Variants in LRRTM4 observed in about 807,000 individuals in gnomAD.
LRRTM4 encodes leucine rich repeat transmembrane neuronal 4.
A neutral mutation model predicts 47.6 loss-of-function variants in LRRTM4; 25 were observed. The ratio of observed to expected loss-of-function variants is 0.53; its 90% CI spans 0.38 to 0.73. The LOEUF is 0.73. Among genes scored for constraint, LRRTM4 ranks in the 30% least tolerant of loss-of-function variants. LRRTM4 has a pLI of 0.00. For missense variants in LRRTM4, 638 were observed against 713.4 expected (o/e 0.89, Z 1.20); for synonymous variants, 311 against 269.5 (o/e 1.15, Z -1.51).
At chr2:77,269,561 C>T (rs1397898729) in intron 3 of LRRTM4, among the ~76,000 whole-genome samples, 2 of 152,054 alleles carry the variant, frequency 1.3e-5, no homozygotes, top group Non-Finnish European at 2.9e-5. Flanking sequence ...AAGCAAGTGC[C>T]ATTTAACAAA....
intron 3 of LRRTM4, among the ~76,000 whole-genome samples, chr2:76,946,427 A>G (rs1377562070): frequency 6.6e-6 from 1 of 151,842 alleles, no homozygotes; most frequent in Non-Finnish European, 1.5e-5. Context: ...TAATAAATAT[A>G]AACATTATTC....
At chr2:77,150,017 G>A (rs1396691300) in intron 3 of LRRTM4, among the ~76,000 whole-genome samples, 1 of 151,998 alleles carries the variant, frequency 6.6e-6, no homozygotes, top group Non-Finnish European at 1.5e-5. Flanking sequence ...TCATTAATTT[G>A]TACATGACTA....
At chr2:76,795,052 T>C (rs572244061) in intron 3 of LRRTM4, among the ~76,000 whole-genome samples, 3 of 151,840 alleles carry the variant, frequency 2.0e-5, no homozygotes, top group Non-Finnish European at 3.0e-5. Context: ...GTATGGCAGA[T>C]AGTAAGCTAA....
chr2:77,059,722 T>C (rs922246343), intron 3 of LRRTM4, among the ~76,000 whole-genome samples: 8 of 152,232 alleles, frequency 5.3e-5, no homozygotes, highest in Non-Finnish European at 1.2e-4. Flanking sequence ...AATAAATGTT[T>C]GCCCAATGAT....
intron 3 of LRRTM4, among the ~76,000 whole-genome samples, chr2:77,042,425 TAA>T (rs1335854140): frequency 2.0e-5 from 3 of 151,590 alleles, no homozygotes; most frequent in Non-Finnish European, 4.4e-5. Flanking sequence ...AGTTATTTTT[TAA>T]AAAGTTATTG....
At chr2:77,007,391 A>G (rs77250513) in intron 3 of LRRTM4, among the ~76,000 whole-genome samples, 3,286 of 152,286 alleles carry the variant, frequency 0.022, 120 homozygotes, top group East Asian at 0.14. Context: ...CAATATGAAG[A>G]TAGAGTCATG....
chr2:77,501,676 C>T (rs1460135026), intron 3 of LRRTM4, among the ~76,000 whole-genome samples: 1 of 150,730 alleles, frequency 6.6e-6, no homozygotes, highest in Non-Finnish European at 1.5e-5. Flanking sequence ...ACAATCAAAT[C>T]CTACCTAAAA....
At chr2:77,006,084 A>G (rs774341324) in intron 3 of LRRTM4, among the ~76,000 whole-genome samples, 28 of 152,156 alleles carry the variant, frequency 1.8e-4, no homozygotes, top group Admixed American at 7.9e-4. Flanking sequence ...AAACCCCAAA[A>G]TGATATATAT....
At chr2:77,039,339 T>A (rs1022811357) in intron 3 of LRRTM4, among the ~76,000 whole-genome samples, 30 of 137,402 alleles carry the variant, frequency 2.2e-4, no homozygotes, top group African/African-American at 7.8e-4. Flanking sequence ...TTTTTTTTTT[T>A]AAATGAAGGC....
intron 3 of LRRTM4, among the ~76,000 whole-genome samples, chr2:77,177,429 C>A (rs1673229728): frequency 6.6e-6 from 1 of 152,130 alleles, no homozygotes. Context: ...AGGAGGGAAT[C>A]CATGGATATG....
chr2:77,138,496 C>A (rs949103341), intron 3 of LRRTM4, among the ~76,000 whole-genome samples: 1 of 152,088 alleles, frequency 6.6e-6, no homozygotes, highest in Non-Finnish European at 1.5e-5. Context: ...ATTTATAGCA[C>A]CAAATGCCCA....
chr2:77,414,809 C>G (rs1674577294), intron 3 of LRRTM4, among the ~76,000 whole-genome samples: 1 of 150,728 alleles, frequency 6.6e-6, no homozygotes, highest in Admixed American at 6.6e-5. Flanking sequence ...ACCATCTTCC[C>G]TCGCACACAA....
chr2:77,310,081 A>T (rs1446468941), intron 3 of LRRTM4, among the ~76,000 whole-genome samples: 1 of 152,316 alleles, frequency 6.6e-6, no homozygotes, highest in East Asian at 1.9e-4. Context: ...TAAGAAATGT[A>T]TACTTGACAC....
At position 77,081,831 on chromosome 2, in the gene LRRTM4, C is replaced by G. The variant is rs141525696; in HGVS notation, c.1552-332915G>C. Among the ~76,000 whole-genome samples the G allele has an allele frequency of 4.8e-3, 726 of 152,236 alleles. 3 individuals are homozygous for G. The highest frequency in any genetic ancestry group is 8.3e-3 in the Non-Finnish European group (565 of 67,994). Reference sequence around the variant, plus strand: ...CAACTAAATATCCTTTTAGACCAATCAGATCATTCCTGGAAGCAATACTCC... The same window carrying G: ...CAACTAAATATCCTTTTAGACCAATGAGATCATTCCTGGAAGCAATACTCC... On this transcript the variant is annotated intron_variant, in intron 3 of 3. Coordinates refer to ENST00000409884, the MANE Select transcript of LRRTM4 (RefSeq NM_001134745.3).
intron 3 of LRRTM4, among the ~76,000 whole-genome samples, chr2:76,776,500 G>A (rs1443760600): frequency 2.0e-5 from 3 of 152,086 alleles, no homozygotes; most frequent in Admixed American, 2.0e-4. Context: ...GCATTTCTCT[G>A]ATGGCCAGTG....
chr2:77,079,991 GAGTT>G (rs2103852731), intron 3 of LRRTM4, among the ~76,000 whole-genome samples: 1 of 151,960 alleles, frequency 6.6e-6, no homozygotes, highest in East Asian at 1.9e-4. Flanking sequence ...ATTCTCCAAA[GAGTT>G]ATTTATATTC....
intron 3 of LRRTM4, among the ~76,000 whole-genome samples, chr2:76,917,327 A>G (rs527828988): frequency 6.6e-6 from 1 of 152,130 alleles, no homozygotes; most frequent in Non-Finnish European, 1.5e-5. Context: ...ATCCTTTAAT[A>G]TTTTTTTAAA....
chr2:77,444,424 C>G (rs144155390), intron 3 of LRRTM4, among the ~76,000 whole-genome samples: 119 of 152,130 alleles, frequency 7.8e-4, no homozygotes, highest in African/African-American at 2.8e-3. Context: ...GGAGATATTT[C>G]CTTCATGTTA....
chr2:76,834,053 T>TATTTATTTA (rs1173088091), intron 3 of LRRTM4, among the ~76,000 whole-genome samples: 25 of 150,032 alleles, frequency 1.7e-4, no homozygotes, highest in African/African-American at 5.7e-4. Flanking sequence ...TTTATTTATT[T>TATTTATTTA]ATTTTGAGAT....
Sources: gnomAD v4.1 joint callset for allele counts (sites outside exome capture counted in the v4.1 genomes callset) on GRCh38, gnomAD v4.1.1 for gene constraint, MANE v1.5 for transcripts, NCBI Gene and HGNC (gene_info 2026-07-23, HGNC 2026-07-21) for gene names.